The following PPP3CC variants were observed in gnomAD, a reference collection of about 807,000 sequenced individuals.
PPP3CC encodes serine/threonine-protein phosphatase 2B catalytic subunit gamma isoform.
In PPP3CC, 35 loss-of-function variants were observed where a neutral mutation model predicts 60.3. The ratio of observed to expected loss-of-function variants is 0.58; its 90% CI spans 0.44 to 0.77. PPP3CC has a LOEUF of 0.77. Among genes scored for constraint, PPP3CC ranks in the 30% least tolerant of loss-of-function variants. The pLI is 0.00. For synonymous variants in PPP3CC, 206 were observed against 224.3 expected, an observed-to-expected ratio of 0.92 and a Z score of 0.73; for missense variants, 570 against 628.9, an observed-to-expected ratio of 0.91 and a Z score of 1.00.
rs377029162 is a variant in PPP3CC, at chr8:22,535,102, C to T, written c.1321+2084C>T. On this transcript the variant is annotated intron_variant, in intron 12 of 13. Coordinates refer to ENST00000240139, the MANE Select transcript of PPP3CC (RefSeq NM_005605.5). The stretch of plus-strand genomic sequence containing the variant: ...TCAGATTTGTGCACCTGCTGTGCCT[C>T]GTGTATATTTTGTACCTTAAAGAAA... Among the ~76,000 whole-genome samples, 15 of 152,274 alleles carry T rather than the reference C, an allele frequency of 9.9e-5. 1 individual carries two copies. Among genetic ancestry groups the T allele is most frequent in the Admixed American group, 3.3e-4 (5 of 15,292 alleles).
chr8:22,533,048 G>A (rs576569947), intron 12 of PPP3CC, 30 bp downstream of exon 12: 5 of 1,474,400 alleles, frequency 3.4e-6, no homozygotes, highest in South Asian at 2.5e-5. Context: ...TCCATGGAAG[G>A]TGTGCTCCCG....
At chr8:22,487,105 T>C (rs538054192) in intron 3 of PPP3CC, among the ~76,000 whole-genome samples, 18 of 152,348 alleles carry the variant, frequency 1.2e-4, no homozygotes, top group African/African-American at 4.3e-4. Context: ...TGTATTTAAA[T>C]GGTACAAAGT....
At chr8:22,466,931 G>C (rs1446099447) in intron 1 of PPP3CC, among the ~76,000 whole-genome samples, 2 of 151,994 alleles carry the variant, frequency 1.3e-5, no homozygotes, top group East Asian at 3.9e-4. Flanking sequence ...ATTTTGTAGA[G>C]ATGGGGGTCT....
chr8:22,442,208 T>A (rs1667786101), intron 1 of PPP3CC, among the ~76,000 whole-genome samples: 1 of 152,204 alleles, frequency 6.6e-6, no homozygotes. Flanking sequence ...ACATAACCAC[T>A]AATTTATGTG....
At chr8:22,511,766 T>C (rs568205826) in intron 5 of PPP3CC, among the ~76,000 whole-genome samples, 1 of 152,332 alleles carries the variant, frequency 6.6e-6, no homozygotes, top group African/African-American at 2.4e-5. Flanking sequence ...AAGCTAACAT[T>C]CTTGTAGTAT....
chr8:22,508,561 G>A (rs1005144043), intron 4 of PPP3CC, among the ~76,000 whole-genome samples: 1 of 152,168 alleles, frequency 6.6e-6, no homozygotes, highest in South Asian at 2.1e-4. Context: ...TCCAGACTTG[G>A]CATTCTTTTT....
At position 22,462,988 on chromosome 8, in the gene PPP3CC, T is replaced by A. The variant is rs146103143; in HGVS notation, c.50-11966T>A. Reference sequence around the variant, plus strand: ...TTTTCCTTTGGGCAACCAAATATATTTTTTTTCCTTTAATTTGGATATGGG... The same window carrying A: ...TTTTCCTTTGGGCAACCAAATATATATTTTTTCCTTTAATTTGGATATGGG... On this transcript the variant is annotated intron_variant, in intron 1 of 13. Coordinates refer to ENST00000240139, the MANE Select transcript of PPP3CC (RefSeq NM_005605.5). Among the ~76,000 whole-genome samples the A allele has an allele frequency of 2.8e-3, 430 of 152,316 alleles. 1 individual carries two copies. The highest frequency in any genetic ancestry group is 9.5e-3 in the African/African-American group (395 of 41,556).
chr8:22,464,004 T>A (rs921503965), intron 1 of PPP3CC, among the ~76,000 whole-genome samples: 2 of 152,160 alleles, frequency 1.3e-5, no homozygotes, highest in African/African-American at 4.8e-5. Flanking sequence ...GTCAGGCTGG[T>A]CTCGAACTCC....
At chr8:22,513,214 T>A (rs975717361) in intron 5 of PPP3CC, 79 bp from the exon 6 acceptor site, 5 of 1,424,238 alleles carry the variant, frequency 3.5e-6, no homozygotes, top group Middle Eastern at 1.8e-4. Flanking sequence ...TGAAAGGGGT[T>A]TTTCTTTGAC....
intron 1 of PPP3CC, among the ~76,000 whole-genome samples, chr8:22,469,900 A>C (rs1225476662): frequency 6.6e-6 from 1 of 151,978 alleles, no homozygotes; most frequent in African/African-American, 2.4e-5. Context: ...AATTTGTTAC[A>C]TGGCAGTAGA....
chr8:22,466,013 G>A (rs993391893), intron 1 of PPP3CC, among the ~76,000 whole-genome samples: 1 of 151,908 alleles, frequency 6.6e-6, no homozygotes, highest in Non-Finnish European at 1.5e-5. Flanking sequence ...ACCAGCCCCA[G>A]TGTGTGATGT....
chr8:22,496,478 C>G (rs942815577), intron 3 of PPP3CC, among the ~76,000 whole-genome samples: 1 of 91,476 alleles, frequency 1.1e-5, no homozygotes, highest in Non-Finnish European at 2.3e-5. Context: ...TTAGGGAGAA[C>G]TGTAATCTTT....
intron 4 of PPP3CC, among the ~76,000 whole-genome samples, chr8:22,509,360 T>C (rs1172165430): frequency 6.6e-6 from 1 of 152,224 alleles, no homozygotes; most frequent in Non-Finnish European, 1.5e-5. Flanking sequence ...ACTCACTCGA[T>C]ACAGCTTTGG....
intron 1 of PPP3CC, among the ~76,000 whole-genome samples, chr8:22,444,467 A>G (rs1226231761): frequency 6.6e-6 from 1 of 152,202 alleles, no homozygotes; most frequent in East Asian, 1.9e-4. Context: ...AAAGTATGTG[A>G]AATTATAAGC....
chr8:22,481,686 C>T (rs1838073916), intron 3 of PPP3CC, among the ~76,000 whole-genome samples: 1 of 152,024 alleles, frequency 6.6e-6, no homozygotes, highest in South Asian at 2.1e-4. Flanking sequence ...AATGCTATCC[C>T]TCCCCTAGCC....
rs1356942358 is a variant in PPP3CC at position 22,475,090 on chromosome 8, T to C, written c.186T>C (p.Asn62=). Residue 62 remains asparagine (N), a synonymous_variant, in exon 2 of 14, where the codon AAT becomes AAC. Coordinates refer to ENST00000240139, the MANE Select transcript of PPP3CC (RefSeq NM_005605.5). The part of the protein sequence containing the change: ...LEEEVALKII[N]DGAAILRQEK... ...AGGAAGTAGCCTTAAAGATAATCAATGATGGGGCTGCCATCCTGAGGCAAG... is the reference window on the plus strand; with the variant it reads ...AGGAAGTAGCCTTAAAGATAATCAACGATGGGGCTGCCATCCTGAGGCAAG... 6.2e-7 allele frequency: 1 copy of C among 1,613,860 alleles called. No homozygotes were observed. The highest frequency in any genetic ancestry group is 8.5e-7 in the Non-Finnish European group (1 of 1,179,836).
intron 6 of PPP3CC, 71 bp from the exon 7 acceptor site, chr8:22,522,420 C>A: frequency 8.0e-7 from 1 of 1,257,376 alleles, no homozygotes; most frequent in Non-Finnish European, 1.1e-6. Flanking sequence ...ATCACCTTGA[C>A]TTTTCCCCAT....
chr8:22,500,662 G>C (rs1255699962), intron 4 of PPP3CC, among the ~76,000 whole-genome samples: 1 of 152,056 alleles, frequency 6.6e-6, no homozygotes, highest in African/African-American at 2.4e-5. Context: ...ATCCCTCCTA[G>C]TAGAGCCTCA....
At chr8:22,474,285 T>A (rs1484017776) in intron 1 of PPP3CC, among the ~76,000 whole-genome samples, 2 of 152,222 alleles carry the variant, frequency 1.3e-5, no homozygotes, top group Non-Finnish European at 2.9e-5. Flanking sequence ...TTCATTTTCT[T>A]TAACCATAGT....
Sources: allele counts gnomAD v4.1 joint callset (sites outside exome capture counted in the v4.1 genomes callset), GRCh38; gene constraint gnomAD v4.1.1; transcripts MANE v1.5; gene names NCBI Gene and HGNC (gene_info 2026-07-23, HGNC 2026-07-21).